The following POU6F2 variants were observed in gnomAD, a reference collection of about 807,000 sequenced individuals.
POU6F2 encodes the protein POU class 6 homeobox 2, also known as POU domain, class 6, transcription factor 2.
A neutral mutation model predicts 71.3 loss-of-function variants in POU6F2; 31 were observed. That is an observed-to-expected ratio of 0.43 (90% CI 0.33 to 0.59). POU6F2 has a LOEUF of 0.59. Among genes scored for constraint, POU6F2 ranks in the 20% least tolerant of loss-of-function variants. POU6F2 has a pLI of 0.04. For synonymous variants in POU6F2, 347 were observed against 355.7 expected, an observed-to-expected ratio of 0.98 and a Z score of 0.27; for missense variants, 783 against 856.8, an observed-to-expected ratio of 0.91 and a Z score of 1.07.
chr7:39,169,252 G>A (rs955012310), intron 2 of POU6F2, among the ~76,000 whole-genome samples: 2 of 152,192 alleles, frequency 1.3e-5, no homozygotes, highest in Non-Finnish European at 2.9e-5. Flanking sequence ...TTTAGTCACA[G>A]AAGAAAATTC....
At chr7:39,354,022 C>T (rs753983231) in intron 5 of POU6F2, among the ~76,000 whole-genome samples, 4 of 152,076 alleles carry the variant, frequency 2.6e-5, no homozygotes, top group Non-Finnish European at 5.9e-5. Context: ...CCGTAACACC[C>T]GCCCGCTCCA....
At chr7:39,029,489 TG>T (rs1789889957) in intron 1 of POU6F2, among the ~76,000 whole-genome samples, 1 of 138,802 alleles carries the variant, frequency 7.2e-6, no homozygotes, top group Non-Finnish European at 1.6e-5. Context: ...ATAACATTTC[TG>T]GGAGGGGGGG....
At chr7:39,322,022 A>G (rs1482518503) in intron 4 of POU6F2, among the ~76,000 whole-genome samples, 2 of 152,162 alleles carry the variant, frequency 1.3e-5, no homozygotes, top group Non-Finnish European at 2.9e-5. Context: ...CTTGCCGTAA[A>G]ACTCAAATTC....
chr7:39,445,564 C>T (rs1393613580), intron 7 of POU6F2, among the ~76,000 whole-genome samples: 1 of 152,134 alleles, frequency 6.6e-6, no homozygotes, highest in Non-Finnish European at 1.5e-5. Flanking sequence ...GTCCTAAATC[C>T]CTCCCTCCTC....
At chr7:39,396,494 C>T (rs1787177104) in intron 5 of POU6F2, among the ~76,000 whole-genome samples, 1 of 152,166 alleles carries the variant, frequency 6.6e-6, no homozygotes. Context: ...CTCTCTCCAG[C>T]ATACTTCTAG....
chr7:39,425,329 G>A (rs1787944636), intron 6 of POU6F2, among the ~76,000 whole-genome samples: 2 of 151,998 alleles, frequency 1.3e-5, no homozygotes, highest in Non-Finnish European at 2.9e-5. Flanking sequence ...AGGAAATGAA[G>A]AGCCACAAAA....
At position 39,296,433 on chromosome 7, in the gene POU6F2, C is replaced by G. The variant is rs79279716; in HGVS notation, c.599-43209C>G. The stretch of plus-strand genomic sequence containing the variant: ...ATTTCAATAAGCTACCATCCCTTCT[C>G]CTCTTCCTCTCCTCACATCCAATCT... On this transcript the variant is annotated intron_variant, in intron 4 of 9. Coordinates refer to ENST00000518318, the MANE Select transcript of POU6F2 (RefSeq NM_001370959.1). 3.7e-3 allele frequency among the ~76,000 whole-genome samples: 563 copies of G among 152,322 alleles called. 12 individuals are homozygous for G. The East Asian group carries it at 0.061, about 16-fold the overall frequency.
At chr7:39,388,632 CAAAG>C (rs776683640) in intron 5 of POU6F2, among the ~76,000 whole-genome samples, 5 of 152,112 alleles carry the variant, frequency 3.3e-5, no homozygotes, top group Non-Finnish European at 7.4e-5. Flanking sequence ...GATTTTCAAA[CAAAG>C]AAAAGTTGGC....
chr7:39,257,458 G>GCAAAT (rs1289548364), intron 4 of POU6F2, among the ~76,000 whole-genome samples: 4 of 152,040 alleles, frequency 2.6e-5, no homozygotes, highest in Admixed American at 2.6e-4. Context: ...TGCTTTTCCT[G>GCAAAT]TTAGCACATC....
At position 39,252,411 on chromosome 7, in the gene POU6F2, C is replaced by G. The variant is rs868772732; in HGVS notation, c.598+44791C>G. Among the ~76,000 whole-genome samples, 107 of 151,704 alleles carry G rather than the reference C, an allele frequency of 7.1e-4. 2 individuals are homozygous for G. In the South Asian group the frequency reaches 0.018, roughly 26 times the overall value. ...AGACAGACAGACAGACACACACACA[C>G]ACACACACACACACACACACACACA... On this transcript the variant is annotated intron_variant, in intron 4 of 9. Coordinates refer to ENST00000518318, the MANE Select transcript of POU6F2 (RefSeq NM_001370959.1).
chr7:39,171,982 A>G (rs1793226651), intron 2 of POU6F2, among the ~76,000 whole-genome samples: 1 of 152,078 alleles, frequency 6.6e-6, no homozygotes, highest in South Asian at 2.1e-4. Flanking sequence ...AGGAGAACAG[A>G]GAGTCTGCAA....
intron 4 of POU6F2, among the ~76,000 whole-genome samples, chr7:39,276,341 A>G (rs1163171644): frequency 6.6e-6 from 1 of 152,226 alleles, no homozygotes; most frequent in Admixed American, 6.5e-5. Flanking sequence ...GCAAATCAAA[A>G]CCACAAAGAG....
intron 5 of POU6F2, among the ~76,000 whole-genome samples, chr7:39,389,393 C>G (rs760178066): frequency 1.3e-5 from 2 of 152,108 alleles, no homozygotes; most frequent in Non-Finnish European, 2.9e-5. Context: ...AATGACTATA[C>G]TTTGGTTATA....
chr7:39,462,695 TCATTAAATAA>T (rs1236917238), intron 9 of POU6F2, among the ~76,000 whole-genome samples: 2 of 152,226 alleles, frequency 1.3e-5, no homozygotes, highest in African/African-American at 4.8e-5. Context: ...AAGGACAAGT[TCATTAAATAA>T]CATTAAATGA....
In POU6F2 at chr7:39,344,851, C is replaced by T. The variant is rs1189800228; in HGVS notation, c.972+4836C>T. ...TGACTCTGTGGGTGTATTCATATAA[C>T]TCCTTTGTGTGGCTACTGTAAATAT... On this transcript the variant is annotated intron_variant, in intron 5 of 9. Transcript: ENST00000518318. Among the ~76,000 whole-genome samples the T allele has an allele frequency of 2.0e-5, 3 of 152,222 alleles. No homozygotes were observed. In the South Asian group the frequency reaches 6.2e-4, roughly 32 times the overall value.
chr7:39,147,766 A>T (rs1173385600), intron 2 of POU6F2, among the ~76,000 whole-genome samples: 5 of 152,144 alleles, frequency 3.3e-5, no homozygotes, highest in Non-Finnish European at 5.9e-5. Flanking sequence ...CAGAGTACAA[A>T]CAGGTAACCT....
rs188179483 is a variant in POU6F2 at position 39,224,555 on chromosome 7, T to C, written c.598+16935T>C. Reference sequence around the variant, plus strand: ...AGTTCAGTGGGTCCACGTTCAGGGGTTCCACTCCCTCAACACACATCTTAG... The same window carrying C: ...AGTTCAGTGGGTCCACGTTCAGGGGCTCCACTCCCTCAACACACATCTTAG... On this transcript the variant is annotated intron_variant, in intron 4 of 9. Coordinates refer to ENST00000518318, the MANE Select transcript of POU6F2 (RefSeq NM_001370959.1). Among the ~76,000 whole-genome samples the C allele has an allele frequency of 1.3e-4, 20 of 152,178 alleles. No individual in the cohort carries two copies. The East Asian group carries it at 3.7e-3, about 28-fold the overall frequency.
At chr7:39,131,851 T>A (rs1056926821) in intron 2 of POU6F2, among the ~76,000 whole-genome samples, 8 of 151,986 alleles carry the variant, frequency 5.3e-5, no homozygotes, top group Middle Eastern at 3.4e-3. Flanking sequence ...ATTTTTTTTT[T>A]ATGTTTTTAA....
chr7:39,332,798 A>G (rs1213550354), intron 4 of POU6F2, among the ~76,000 whole-genome samples: 1 of 151,956 alleles, frequency 6.6e-6, no homozygotes, highest in African/African-American at 2.4e-5. Flanking sequence ...TTTTTCTTTC[A>G]TCTTGGTTGG....
Sources: gnomAD v4.1 joint callset for allele counts (sites outside exome capture counted in the v4.1 genomes callset) on GRCh38, gnomAD v4.1.1 for gene constraint, MANE v1.5 for transcripts, NCBI Gene and HGNC (gene_info 2026-07-23, HGNC 2026-07-21) for gene names.